The following APBB2 variants were observed in gnomAD, a reference collection of about 807,000 sequenced individuals.
APBB2 encodes the protein amyloid beta precursor protein binding family B member 2.
In APBB2, 38 loss-of-function variants were observed where a neutral mutation model predicts 82.5. The ratio of observed to expected loss-of-function variants is 0.46; its 90% CI spans 0.36 to 0.60. The LOEUF is 0.60. Ranked by LOEUF, APBB2 falls within the 20% of genes least tolerant of loss-of-function variation. The pLI is 0.00. For missense variants in APBB2, 772 were observed against 972.3 expected (o/e 0.79, Z 2.74); for synonymous variants, 341 against 368.2 (o/e 0.93, Z 0.85).
At chr4:40,820,800 G>A (rs367959267) in intron 17 of APBB2, among the ~76,000 whole-genome samples, 310 of 152,156 alleles carry the variant, frequency 2.0e-3, no homozygotes, top group African/African-American at 7.1e-3. Flanking sequence ...CCTTCCACTC[G>A]GGCCCAGCAC....
intron 6 of APBB2, among the ~76,000 whole-genome samples, chr4:40,990,777 A>G (rs140572769): frequency 6.6e-6 from 1 of 152,264 alleles, no homozygotes; most frequent in East Asian, 1.9e-4. Flanking sequence ...CATTTTAAAA[A>G]CTGTGTCATC....
chr4:40,881,058 G>A (rs1232122603), intron 12 of APBB2: 2 of 985,228 alleles, frequency 2.0e-6, no homozygotes, highest in Admixed American at 6.2e-5. Context: ...AGTATTGCAA[G>A]CATCCCATCA....
At chr4:41,174,642 G>A (rs1399358024) in intron 1 of APBB2, among the ~76,000 whole-genome samples, 1 of 152,184 alleles carries the variant, frequency 6.6e-6, no homozygotes, top group African/African-American at 2.4e-5. Context: ...CATCACCTAA[G>A]GGCCTAAGTA....
chr4:41,135,518 G>A (rs1037578562), intron 2 of APBB2, among the ~76,000 whole-genome samples: 3 of 152,054 alleles, frequency 2.0e-5, no homozygotes, highest in Non-Finnish European at 2.9e-5. Flanking sequence ...AATAGCTATC[G>A]TGTCATGCGT....
chr4:41,040,722 A>G (rs1297694492), intron 4 of APBB2, among the ~76,000 whole-genome samples: 1 of 152,144 alleles, frequency 6.6e-6, no homozygotes, highest in East Asian at 1.9e-4. Context: ...TCACCACATT[A>G]CTAGGGTTCT....
chr4:40,859,954 T>C (rs1762372731), intron 12 of APBB2, among the ~76,000 whole-genome samples: 1 of 152,224 alleles, frequency 6.6e-6, no homozygotes, highest in Non-Finnish European at 1.5e-5. Context: ...CAAAAGTTGA[T>C]TCCTTTGGAA....
intron 2 of APBB2, among the ~76,000 whole-genome samples, chr4:41,107,559 C>T (rs1747700261): frequency 6.6e-6 from 1 of 152,204 alleles, no homozygotes; most frequent in African/African-American, 2.4e-5. Flanking sequence ...AGAACACTCA[C>T]ACACAGTCTC....
At chr4:41,098,030 C>A (rs1469547198) in intron 3 of APBB2, among the ~76,000 whole-genome samples, 2 of 151,836 alleles carry the variant, frequency 1.3e-5, no homozygotes, top group Non-Finnish European at 2.9e-5. Context: ...CCCGTCCCCT[C>A]CCATTAACTT....
intron 6 of APBB2, among the ~76,000 whole-genome samples, chr4:41,012,276 G>A (rs954567864): frequency 6.6e-6 from 1 of 152,230 alleles, no homozygotes. Flanking sequence ...AACACAGGAA[G>A]TAGAGCTTGG....
At chr4:40,996,806 A>G (rs1393185929) in intron 6 of APBB2, among the ~76,000 whole-genome samples, 1 of 152,074 alleles carries the variant, frequency 6.6e-6, no homozygotes, top group East Asian at 1.9e-4. Context: ...AATCTAAACA[A>G]ATTACTGTAA....
intron 2 of APBB2, among the ~76,000 whole-genome samples, chr4:41,106,230 C>T (rs894004695): frequency 2.7e-4 from 41 of 152,196 alleles, no homozygotes; most frequent in African/African-American, 9.4e-4. Flanking sequence ...CTCTAAGTCA[C>T]TTCTGGGGCA....
chr4:41,074,608 ATTT>A (rs370714146), intron 3 of APBB2, among the ~76,000 whole-genome samples: 6 of 136,706 alleles, frequency 4.4e-5, no homozygotes, highest in Admixed American at 7.4e-5. Flanking sequence ...TATTATTATT[ATTT>A]TTTTTTTTTT....
chr4:40,909,098 C>T (rs1777868977), intron 10 of APBB2, among the ~76,000 whole-genome samples: 1 of 152,216 alleles, frequency 6.6e-6, no homozygotes, highest in Admixed American at 6.5e-5. Context: ...GTCACAGTGG[C>T]CCTGCTCTTG....
chr4:41,114,891 T>A (rs1244888185), intron 2 of APBB2, among the ~76,000 whole-genome samples: 1 of 152,214 alleles, frequency 6.6e-6, no homozygotes, highest in Non-Finnish European at 1.5e-5. Context: ...AAAATGGCCA[T>A]ACTGCCCAAA....
intron 3 of APBB2, among the ~76,000 whole-genome samples, chr4:41,069,163 C>G (rs1299431413): frequency 6.6e-6 from 1 of 152,066 alleles, no homozygotes; most frequent in East Asian, 1.9e-4. Flanking sequence ...GGATAAACTA[C>G]TGAAAATGAA....
At chr4:40,842,054 A>G (rs919192947) in intron 12 of APBB2, among the ~76,000 whole-genome samples, 15 of 151,712 alleles carry the variant, frequency 9.9e-5, no homozygotes, top group African/African-American at 3.6e-4. Context: ...CATCACATTC[A>G]CTCCCTGCCA....
intron 4 of APBB2, among the ~76,000 whole-genome samples, chr4:41,058,290 T>G (rs115979628): frequency 2.1e-5 from 3 of 141,026 alleles, no homozygotes. Flanking sequence ...AAGAGAGGTT[T>G]AAAAAAAAAA....
chr4:40,912,031 C>T (rs1235845120), intron 10 of APBB2, among the ~76,000 whole-genome samples: 5 of 152,298 alleles, frequency 3.3e-5, no homozygotes, highest in South Asian at 2.1e-4. Context: ...CTGCACTCAG[C>T]GATACGGGAC....
chr4:40,820,262 T>C (rs1263087769), intron 17 of APBB2, among the ~76,000 whole-genome samples: 2 of 152,222 alleles, frequency 1.3e-5, no homozygotes, highest in African/African-American at 4.8e-5. Flanking sequence ...TCCTCCTCTC[T>C]CCCATCTGCA....
Sources: gnomAD v4.1 joint callset for allele counts (sites outside exome capture counted in the v4.1 genomes callset) on GRCh38, gnomAD v4.1.1 for gene constraint, MANE v1.5 for transcripts, NCBI Gene and HGNC (gene_info 2026-07-23, HGNC 2026-07-21) for gene names.